The following CATSPERD variants were observed in gnomAD, a reference collection of about 807,000 sequenced individuals.
CATSPERD encodes the protein cation channel sperm-associated auxiliary subunit delta.
A neutral mutation model predicts 98.1 loss-of-function variants in CATSPERD; 86 were observed. The ratio of observed to expected loss-of-function variants is 0.88; its 90% CI spans 0.74 to 1.05. The LOEUF (loss-of-function observed/expected upper bound fraction) is 1.05. CATSPERD is among the 50% of genes least tolerant of loss of function. CATSPERD has a pLI of 0.00. For synonymous variants in CATSPERD, 394 were observed against 390.2 expected (o/e 1.01, Z -0.12); for missense variants, 995 against 1,005.7 (o/e 0.99, Z 0.14).
intron 7 of CATSPERD, among the ~76,000 whole-genome samples, chr19:5,743,305 AAAAC>A (rs1482519513): frequency 6.6e-6 from 1 of 151,640 alleles, no homozygotes; most frequent in Admixed American, 6.6e-5. Flanking sequence ...CTCTGTCTCA[AAAAC>A]AAACAAGGCC....
chr19:5,733,944 A>T lies in CATSPERD; in HGVS notation c.365A>T (p.Glu122Val). 6.2e-7 allele frequency: 1 copy of T among 1,605,652 alleles called. No individual in the cohort carries two copies. The highest frequency in any genetic ancestry group is 2.2e-5 in the East Asian group (1 of 44,854). Residue 122 changes from glutamate to valine, a missense_variant, in exon 5 of 22, where the codon GAA (glutamate) becomes GTA (valine). Coordinates refer to ENST00000381624, the MANE Select transcript of CATSPERD (RefSeq NM_152784.4). Reference protein sequence around the residue: ...VDQKVYIYDYENNSWSMSLGI... With the variant: ...VDQKVYIYDYVNNSWSMSLGI... The stretch of plus-strand genomic sequence containing the variant: ...CAAAAAGTCTATATTTATGATTATG[A>T]AAATAATTCTTGGAGCATGTCTTTA...
In CATSPERD at chr19:5,778,659, G is replaced by A; in HGVS notation, c.2380G>A (p.Gly794Ser). ...PPGRHRTPHG[G>S]RSDH ...GGGACGCCACCGCACTCCTCACGGAGGCAGGTCTGACCACTGAGGCCGGTC... is the reference window on the plus strand; with the variant it reads ...GGGACGCCACCGCACTCCTCACGGAAGCAGGTCTGACCACTGAGGCCGGTC... The change falls in exon 22 of 22, where the codon GGC becomes AGC. Residue 794 changes from glycine (G) to serine (S), a missense_variant. Gly to Ser is a moderately conservative substitution (Grantham distance 56, BLOSUM62 0). This residue lies in a region of CATSPERD where 762 missense variants were observed against 773.7 expected (regional missense o/e 0.98). Transcript: ENST00000381624. 1 of 1,613,008 alleles carries A rather than the reference G, an allele frequency of 6.2e-7. No homozygotes were observed. The highest frequency in any genetic ancestry group is 8.5e-7 in the Non-Finnish European group (1 of 1,179,760).
intron 20 of CATSPERD, chr19:5,775,282 C>T (rs903994134): frequency 1.3e-4 from 62 of 471,162 alleles, no homozygotes; most frequent in Non-Finnish European, 2.2e-4. Flanking sequence ...GAGAGCTCCC[C>T]GCTTCTAGTG....
At chr19:5,759,013 C>A in intron 14 of CATSPERD, 73 bp from the exon 15 acceptor site, 3 of 1,380,788 alleles carry the variant, frequency 2.2e-6, no homozygotes, top group Non-Finnish European at 3.1e-6. Context: ...CCCCATCTCT[C>A]CCAATGTCCT....
In CATSPERD at chr19:5,775,673, A is replaced by AAAAG. The variant is rs909188820; in HGVS notation, c.1942-474_1942-471dup. ...CAAAAAAAAAAAAAAAAAAAGAAAG[A>AAAAG]AAAGAAAGAAAGAAAGAGCAGGGAG... is the stretch of plus-strand genomic sequence containing the variant. On this transcript the variant is annotated intron_variant, in intron 20 of 21. Transcript: ENST00000381624. Among the ~76,000 whole-genome samples, 19 of 150,392 alleles carry AAAAG rather than the reference A, an allele frequency of 1.3e-4. 1 individual carries two copies. The South Asian group carries it at 1.7e-3, about 13-fold the overall frequency.
chr19:5,762,776 G>A (rs2056466297), intron 15 of CATSPERD, among the ~76,000 whole-genome samples: 1 of 151,462 alleles, frequency 6.6e-6, no homozygotes, highest in Non-Finnish European at 1.5e-5. Flanking sequence ...ATAGGTGGGT[G>A]GGTGGAATGA....
In CATSPERD at chr19:5,720,871, C is replaced by A. The variant is rs552665841; in HGVS notation, c.71+63C>A. On this transcript the variant is annotated intron_variant, in intron 1 of 21. Transcript: ENST00000381624. ...GGGGGTCGGGAGGGTGCTGGTTCAT[C>A]TTGGAGCCGAGGCCTGCTCCCCAAC... The A allele has an allele frequency of 2.1e-3, 2,984 of 1,422,628 alleles. 9 individuals are homozygous for A. Among genetic ancestry groups the A allele is most frequent in the Admixed American group, 2.8e-3 (134 of 47,820 alleles). 88.1% of individuals were successfully genotyped at this position (1,422,628 alleles called of 1,614,324 possible).
In CATSPERD at chr19:5,772,854, G is replaced by C; in HGVS notation, c.1830G>C (p.Gln610His). Reference protein sequence around the residue: ...AEYVLLEVNGQFSYSYSLTAQ... With the variant: ...AEYVLLEVNGHFSYSYSLTAQ... Reference sequence around the variant, plus strand: ...ATGTGTTACTGGAGGTGAACGGGCAGTTCTCATACTCCTATTCCCTGACGG... The same window carrying C: ...ATGTGTTACTGGAGGTGAACGGGCACTTCTCATACTCCTATTCCCTGACGG... Residue 610 changes from glutamine to histidine, a missense_variant, in exon 20 of 22, where the codon CAG (glutamine) becomes CAC (histidine). Around this residue, in one of 3 missense-constraint regions of CATSPERD, gnomAD observed 762 missense variants for 773.7 expected, o/e 0.98. Coordinates refer to ENST00000381624, the MANE Select transcript of CATSPERD (RefSeq NM_152784.4). 3.7e-6 allele frequency: 6 copies of C among 1,614,088 alleles called. No individual in the cohort carries two copies. The highest frequency in any genetic ancestry group is 4.2e-6 in the Non-Finnish European group (5 of 1,180,000).
intron 17 of CATSPERD, 108 bp from the exon 18 acceptor site, chr19:5,768,060 G>C (rs2056576220): frequency 2.2e-6 from 2 of 904,474 alleles, no homozygotes; most frequent in African/African-American, 1.7e-5. Flanking sequence ...AGCTCCCAAA[G>C]TGCTGGGCCT....
At position 5,741,792 on chromosome 19, in the gene CATSPERD, G is replaced by GT. The variant is rs999060709; in HGVS notation, c.573+2353_573+2354insT. Among the ~76,000 whole-genome samples, 9 of 96,060 alleles carry GT rather than the reference G, an allele frequency of 9.4e-5. 2 individuals carry two copies. The highest frequency in any genetic ancestry group is 3.3e-4 in the African/African-American group (9 of 27,040). 63.0% of individuals were successfully genotyped at this position (96,060 alleles called of 152,430 possible). On this transcript the variant is annotated intron_variant, in intron 7 of 21. Coordinates refer to ENST00000381624, the MANE Select transcript of CATSPERD (RefSeq NM_152784.4). ...ACTTTGGGATGCTGAAGGCGGGGGG[G>GT]GGGGGGTGGTGTGGATCACTTGAGG...
chr19:5,776,995 C>A (rs1248385720), intron 21 of CATSPERD, among the ~76,000 whole-genome samples: 1 of 152,144 alleles, frequency 6.6e-6, no homozygotes, highest in Non-Finnish European at 1.5e-5. Context: ...CCCAGGAGGC[C>A]TTTCCCCTCT....
At chr19:5,747,593 GTTTTCTT>G (rs1263167016) in intron 9 of CATSPERD, among the ~76,000 whole-genome samples, 2 of 146,008 alleles carry the variant, frequency 1.4e-5, no homozygotes, top group Non-Finnish European at 3.0e-5. Context: ...CGGGGATCTG[GTTTTCTT>G]TTTTCTTTTC....
At chr19:5,733,427 TTC>T (rs1415560652) in intron 4 of CATSPERD, among the ~76,000 whole-genome samples, 1 of 147,808 alleles carries the variant, frequency 6.8e-6, no homozygotes, top group East Asian at 2.0e-4. Context: ...CCTTCCTTCC[TTC>T]CTCCTTTCTT....
intron 5 of CATSPERD, among the ~76,000 whole-genome samples, chr19:5,735,836 A>G (rs2055835094): frequency 7.3e-6 from 1 of 136,904 alleles, no homozygotes; most frequent in South Asian, 2.3e-4. Flanking sequence ...GATGGCGTGC[A>G]GTGGCGCGAT....
chr19:5,737,480 A>G (rs1180828649), intron 6 of CATSPERD, among the ~76,000 whole-genome samples: 1 of 146,104 alleles, frequency 6.8e-6, no homozygotes, highest in African/African-American at 2.5e-5. Context: ...AGCCCAGGAG[A>G]TCGAGGCTGC....
chr19:5,742,797 A>G (rs2056014941), intron 7 of CATSPERD, among the ~76,000 whole-genome samples: 1 of 151,994 alleles, frequency 6.6e-6, no homozygotes, highest in Non-Finnish European at 1.5e-5. Context: ...GCAAAAAAAG[A>G]AAAAGAAAAG....
At chr19:5,733,760 A>AT (rs562470248) in intron 4 of CATSPERD, 96 bp from the exon 5 acceptor site, 45,366 of 639,366 alleles carry the variant, frequency 0.071, 108 homozygotes, top group Non-Finnish European at 0.081. Flanking sequence ...CCGTCCATAC[A>AT]TTTTTTTTTT....
intron 1 of CATSPERD, among the ~76,000 whole-genome samples, chr19:5,723,620 C>T (rs1470075876): frequency 2.0e-5 from 3 of 151,110 alleles, no homozygotes; most frequent in East Asian, 2.0e-4. Context: ...GCCGCAACCA[C>T]GCCCGGCTAA....
intron 4 of CATSPERD, among the ~76,000 whole-genome samples, chr19:5,731,359 G>A (rs956647054): frequency 1.3e-5 from 2 of 151,384 alleles, no homozygotes; most frequent in East Asian, 1.9e-4. Flanking sequence ...GTGGTGGTGC[G>A]TGCCTGTTGT....
Sources: gnomAD v4.1 joint callset for allele counts (sites outside exome capture counted in the v4.1 genomes callset) on GRCh38, gnomAD v4.1.1 for gene constraint, gnomAD v4.1.1 regional missense constraint, MANE v1.5 for transcripts, NCBI Gene and HGNC (gene_info 2026-07-23, HGNC 2026-07-21) for gene names.